The following MLLT10 variants were observed in gnomAD, a reference collection of about 807,000 sequenced individuals.
The protein encoded by MLLT10 is protein AF-10.
Under a neutral mutation model 129.1 loss-of-function variants are expected in MLLT10, and 30 were observed. That is an observed-to-expected ratio of 0.23 (90% CI 0.17 to 0.32). The LOEUF (loss-of-function observed/expected upper bound fraction) is 0.32, where lower values mean the gene tolerates loss of function less well. Ranked by LOEUF, MLLT10 falls within the 10% of genes least tolerant of loss-of-function variation. The pLI, the probability that MLLT10 is intolerant of heterozygous loss-of-function variation, is 1.00. For synonymous variants in MLLT10, 490 were observed against 446.4 expected (o/e 1.10, Z -1.23); for missense variants, 1,119 against 1,268.3 (o/e 0.88, Z 1.79).
At chr10:21,568,262 C>G (rs1417771172) in intron 3 of MLLT10, among the ~76,000 whole-genome samples, 1 of 152,168 alleles carries the variant, frequency 6.6e-6, no homozygotes, top group Non-Finnish European at 1.5e-5. Context: ...GTCCTGTGAT[C>G]CTGAGCTAAT....
intron 17 of MLLT10, among the ~76,000 whole-genome samples, chr10:21,731,858 T>TGATGAAAA (rs2057997806): frequency 6.6e-6 from 1 of 152,196 alleles, no homozygotes; most frequent in African/African-American, 2.4e-5. Flanking sequence ...GTATAAACTT[T>TGATGAAAA]TGCTGCCTCA....
chr10:21,733,710 T>C, intron 19 of MLLT10, 58 bp from the exon 20 acceptor site: 3 of 1,539,040 alleles, frequency 1.9e-6, no homozygotes, highest in Non-Finnish European at 2.6e-6. Flanking sequence ...GTTTCTCTTC[T>C]TTCTTACGCT....
chr10:21,626,262 C>T (rs2046424621), intron 8 of MLLT10: 1 of 1,517,812 alleles, frequency 6.6e-7, no homozygotes, highest in Admixed American at 1.7e-5. Flanking sequence ...GCTCTTTCAT[C>T]AAGATCGATA....
chr10:21,727,907 C>T lies in MLLT10; in HGVS notation c.2042C>T (p.Pro681Leu). The T allele has an allele frequency of 6.2e-7, 1 of 1,613,906 alleles. No individual in the cohort carries two copies. Among genetic ancestry groups the T allele is most frequent in the African/African-American group, 1.3e-5 (1 of 74,986 alleles). The change falls in exon 16 of 23, where the codon CCC becomes CTC. Residue 681 changes from proline to leucine, a missense_variant. By Grantham distance (98) the Pro-to-Leu change is moderately conservative. Coordinates refer to ENST00000307729, the MANE Select transcript of MLLT10 (RefSeq NM_001195626.3). ...SRNLVGRGSS[P>L]RGSLSPRSPV... The stretch of plus-strand genomic sequence containing the variant: ...AACCTAGTTGGCAGAGGAAGCTCAC[C>T]CCGAGGAAGTCTCTCGCCACGGTAA...
intron 13 of MLLT10, among the ~76,000 whole-genome samples, chr10:21,710,397 C>T (rs747429615): frequency 1.8e-4 from 28 of 152,136 alleles, no homozygotes; most frequent in Non-Finnish European, 3.2e-4. Context: ...ATATAGTATC[C>T]AGTGTTGGCA....
intron 11 of MLLT10, among the ~76,000 whole-genome samples, chr10:21,678,868 T>C (rs1366868063): frequency 1.3e-5 from 2 of 152,202 alleles, no homozygotes; most frequent in Non-Finnish European, 2.9e-5. Flanking sequence ...CCTTGTGAAA[T>C]AGGACAGCTC....
chr10:21,708,989 A>G (rs991606368), intron 13 of MLLT10, among the ~76,000 whole-genome samples: 1 of 152,174 alleles, frequency 6.6e-6, no homozygotes, highest in South Asian at 2.1e-4. Flanking sequence ...TAAGGTAGCC[A>G]TTATCTTTGT....
chr10:21,586,765 T>TA (rs1286075762), intron 4 of MLLT10, among the ~76,000 whole-genome samples: 2 of 152,030 alleles, frequency 1.3e-5, no homozygotes, highest in African/African-American at 4.8e-5. Context: ...TGCCTGCCTG[T>TA]AGTCCCAGCT....
At chr10:21,734,291 TAAGTA>T (rs2131581420) in intron 20 of MLLT10, among the ~76,000 whole-genome samples, 162 bp downstream of exon 20, 1 of 152,300 alleles carries the variant, frequency 6.6e-6, no homozygotes, top group South Asian at 2.1e-4. Flanking sequence ...TTTTGAAACT[TAAGTA>T]ATTTAGATTA....
At chr10:21,601,174 G>T (rs1322472884) in intron 5 of MLLT10, among the ~76,000 whole-genome samples, 1 of 152,066 alleles carries the variant, frequency 6.6e-6, no homozygotes, top group Admixed American at 6.6e-5. Context: ...TTGAACTCTT[G>T]GATTCAAACA....
chr10:21,579,365 T>C (rs766341439), intron 3 of MLLT10, among the ~76,000 whole-genome samples: 2 of 152,158 alleles, frequency 1.3e-5, no homozygotes, highest in Non-Finnish European at 2.9e-5. Flanking sequence ...TGTGAATGTG[T>C]CTTTTTTCAA....
chr10:21,623,135 T>C (rs2046064840), intron 8 of MLLT10, among the ~76,000 whole-genome samples: 1 of 152,234 alleles, frequency 6.6e-6, no homozygotes, highest in Non-Finnish European at 1.5e-5. Flanking sequence ...CAGGAAGCTC[T>C]TAGAACTTCA....
chr10:21,575,420 C>G (rs2040630232), intron 3 of MLLT10, among the ~76,000 whole-genome samples: 1 of 152,180 alleles, frequency 6.6e-6, no homozygotes, highest in South Asian at 2.1e-4. Context: ...TGGTCTTGAA[C>G]TTGCGACCTC....
At chr10:21,636,393 G>A (rs2047461372) in intron 8 of MLLT10, among the ~76,000 whole-genome samples, 1 of 152,184 alleles carries the variant, frequency 6.6e-6, no homozygotes, top group South Asian at 2.1e-4. Flanking sequence ...TGGCCTACCA[G>A]TGTTACGATT....
At chr10:21,604,520 C>CAT (rs766652447) in intron 5 of MLLT10, among the ~76,000 whole-genome samples, 1 of 152,008 alleles carries the variant, frequency 6.6e-6, no homozygotes, top group Non-Finnish European at 1.5e-5. Context: ...AGCTGGGAGG[C>CAT]AGAGGTTGCA....
intron 5 of MLLT10, among the ~76,000 whole-genome samples, chr10:21,597,817 G>T (rs1012688170): frequency 1.3e-5 from 2 of 152,214 alleles, no homozygotes; most frequent in African/African-American, 4.8e-5. Context: ...ATTAAATACA[G>T]TTATGTTTTT....
At chr10:21,682,571 A>G (rs2052851901) in intron 13 of MLLT10, among the ~76,000 whole-genome samples, 1 of 152,188 alleles carries the variant, frequency 6.6e-6, no homozygotes, top group Admixed American at 6.5e-5. Context: ...TTGCCAGTGC[A>G]GGTAATTATT....
intron 2 of MLLT10, among the ~76,000 whole-genome samples, 180 bp downstream of exon 2, chr10:21,534,984 C>T (rs1305149809): frequency 6.7e-6 from 1 of 149,456 alleles, no homozygotes; most frequent in African/African-American, 2.4e-5. Flanking sequence ...TGCGTGTGGC[C>T]CGGACTGTCA....
At chr10:21,661,283 G>C (rs1392897624) in intron 9 of MLLT10, among the ~76,000 whole-genome samples, 1 of 152,160 alleles carries the variant, frequency 6.6e-6, no homozygotes, top group Non-Finnish European at 1.5e-5. Context: ...TGCTGTTGTT[G>C]GACGAAGTAG....
Sources: allele counts gnomAD v4.1 joint callset (sites outside exome capture counted in the v4.1 genomes callset), GRCh38; gene constraint gnomAD v4.1.1; transcripts MANE v1.5; gene names NCBI Gene and HGNC (gene_info 2026-07-23, HGNC 2026-07-21).